The following DTD1 variants were observed in gnomAD, a reference collection of about 807,000 sequenced individuals.
DTD1 encodes the protein D-tyrosyl-tRNA deacylase 1 homolog.
DTD1 carries 13 observed loss-of-function variants against 25.6 expected under a neutral mutation model. That is an observed-to-expected ratio of 0.51 (90% confidence interval 0.33 to 0.81). The LOEUF (loss-of-function observed/expected upper bound fraction) is 0.81, where lower values mean the gene tolerates loss of function less well. DTD1 is among the 30% of genes least tolerant of loss of function. DTD1 has a pLI of 0.02. For synonymous variants in DTD1, 110 were observed against 103.6 expected, an observed-to-expected ratio of 1.06 and a Z score of -0.37; for missense variants, 193 against 266.4, an observed-to-expected ratio of 0.72 and a Z score of 1.92.
At chr20:18,590,714 T>G (rs1309607863) in intron 1 of DTD1, among the ~76,000 whole-genome samples, 2 of 152,160 alleles carry the variant, frequency 1.3e-5, no homozygotes, top group Non-Finnish European at 2.9e-5. Flanking sequence ...CTCAAGTGAT[T>G]TGCCTGCCTC....
At position 18,765,396 on chromosome 20, in the gene DTD1, GA is replaced by G. The variant is rs2061376166; in HGVS notation, c.*2057del. On this transcript the variant is annotated 3_prime_UTR_variant, in exon 6 of 6. Coordinates refer to ENST00000377452, the MANE Select transcript of DTD1 (RefSeq NM_080820.6). ...TTCTGAGCCTATATGTGTGAGGGGG[GA>G]TCTTTGATTAATTAAAACATCTTCC... is the stretch of plus-strand genomic sequence containing the variant. The G allele has an allele frequency of 6.6e-6, 1 of 152,304 alleles. No homozygotes were observed. Among genetic ancestry groups the G allele is most frequent in the African/African-American group, 2.4e-5 (1 of 41,552 alleles). 9.4% of individuals were successfully genotyped at this position (152,304 alleles called of 1,614,324 possible).
intron 1 of DTD1, among the ~76,000 whole-genome samples, chr20:18,592,822 A>T (rs543521960): frequency 1.3e-5 from 2 of 152,132 alleles, no homozygotes; most frequent in African/African-American, 4.8e-5. Flanking sequence ...AGCTGGGATT[A>T]CAGGCGCCCG....
intron 4 of DTD1, among the ~76,000 whole-genome samples, chr20:18,681,179 C>T (rs953605204): frequency 1.2e-4 from 19 of 152,150 alleles, no homozygotes; most frequent in African/African-American, 4.3e-4. Flanking sequence ...GAGCCACACA[C>T]CCTCATGCAG....
At chr20:18,630,230 A>T (rs6081259) in intron 4 of DTD1, among the ~76,000 whole-genome samples, 126,385 of 152,008 alleles carry the variant, frequency 0.83, 53,688 homozygotes, top group Non-Finnish European at 0.93. Context: ...TATACTTTTT[A>T]ACCCAACTGC....
At chr20:18,665,386 C>T (rs762892578) in intron 4 of DTD1, among the ~76,000 whole-genome samples, 1 of 152,242 alleles carries the variant, frequency 6.6e-6, no homozygotes. Context: ...CTGGGATCAG[C>T]CCCGGCTCTG....
chr20:18,717,656 A>G (rs2061186443), intron 4 of DTD1, among the ~76,000 whole-genome samples: 1 of 152,170 alleles, frequency 6.6e-6, no homozygotes, highest in African/African-American at 2.4e-5. Flanking sequence ...CACAATTCAA[A>G]CCTGTGTTAT....
At chr20:18,724,561 T>G (rs1438323748) in intron 4 of DTD1, among the ~76,000 whole-genome samples, 4 of 152,182 alleles carry the variant, frequency 2.6e-5, no homozygotes, top group Non-Finnish European at 5.9e-5. Flanking sequence ...AGTTCAAAAT[T>G]TCATTTGTAA....
chr20:18,763,043 GTA>G (rs1359039233), intron 5 of DTD1, among the ~76,000 whole-genome samples: 2 of 152,144 alleles, frequency 1.3e-5, no homozygotes, highest in Non-Finnish European at 2.9e-5. Context: ...TTACTTCAAA[GTA>G]TTTTCTATTT....
At chr20:18,676,766 A>G (rs556653982) in intron 4 of DTD1, among the ~76,000 whole-genome samples, 1 of 152,130 alleles carries the variant, frequency 6.6e-6, no homozygotes, top group South Asian at 2.1e-4. Flanking sequence ...ATCTGTTCTC[A>G]GCTCTGCCGC....
intron 4 of DTD1, among the ~76,000 whole-genome samples, chr20:18,682,681 C>T (rs183283914): frequency 3.1e-4 from 47 of 152,350 alleles, no homozygotes; most frequent in Middle Eastern, 3.4e-3. Context: ...CAACTCATCT[C>T]TACCTTGCCA....
At chr20:18,640,051 ATT>A (rs11087260) in intron 4 of DTD1, among the ~76,000 whole-genome samples, 141 of 145,402 alleles carry the variant, frequency 9.7e-4, no homozygotes, top group Non-Finnish European at 1.2e-3. Context: ...TGCTCTGAGG[ATT>A]TTTTTTTTTT....
In DTD1 at chr20:18,628,184, T is replaced by C. The variant is rs2060767027; in HGVS notation, c.428T>C (p.Ile143Thr). The change falls in exon 4 of 6, where the codon ATA becomes ACA. Residue 143 changes from isoleucine (I) to threonine (T), a missense_variant. Coordinates refer to ENST00000377452, the MANE Select transcript of DTD1 (RefSeq NM_080820.6). The part of the protein sequence containing the change: ...VHIQNDGPVT[I>T]ELESPAPGTA... ...ATTCAGAATGATGGGCCTGTGACCA[T>C]AGAGCTGGAATCGCCAGCTCCCGGC... The C allele has an allele frequency of 6.2e-7, 1 of 1,613,836 alleles. No homozygotes were observed. The highest frequency in any genetic ancestry group is 1.3e-5 in the African/African-American group (1 of 74,910).
intron 3 of DTD1, among the ~76,000 whole-genome samples, chr20:18,612,868 A>C (rs1451718516): frequency 6.6e-6 from 1 of 152,108 alleles, no homozygotes; most frequent in Non-Finnish European, 1.5e-5. Flanking sequence ...CATGTTGGCC[A>C]GGTTGGTCTG....
intron 4 of DTD1, among the ~76,000 whole-genome samples, chr20:18,657,654 G>A (rs2060895643): frequency 6.6e-6 from 1 of 152,240 alleles, no homozygotes; most frequent in Admixed American, 6.5e-5. Flanking sequence ...AAGAAATACA[G>A]ATATGTCTAT....
intron 3 of DTD1, among the ~76,000 whole-genome samples, chr20:18,620,867 C>T (rs991436194): frequency 1.3e-5 from 2 of 152,160 alleles, no homozygotes; most frequent in East Asian, 3.8e-4. Context: ...ATACCTGGAA[C>T]TATAGGTGCA....
At chr20:18,751,395 T>G (rs2122530653) in intron 5 of DTD1, among the ~76,000 whole-genome samples, 1 of 152,334 alleles carries the variant, frequency 6.6e-6, no homozygotes. Flanking sequence ...AGGCACCTTA[T>G]AACAACAGCA....
intron 4 of DTD1, among the ~76,000 whole-genome samples, chr20:18,710,539 A>G (rs1488389400): frequency 6.6e-6 from 1 of 152,258 alleles, no homozygotes; most frequent in African/African-American, 2.4e-5. Flanking sequence ...TGTTTCTAAT[A>G]AAATTCTACC....
At chr20:18,760,864 G>GAGCTGC (rs770052569) in intron 5 of DTD1, among the ~76,000 whole-genome samples, 164 of 152,342 alleles carry the variant, frequency 1.1e-3, no homozygotes, top group Non-Finnish European at 2.1e-3. Context: ...AGGCCTCCTT[G>GAGCTGC]AGCTGCGGTG....
At chr20:18,630,032 T>A (rs2060778380) in intron 4 of DTD1, among the ~76,000 whole-genome samples, 1 of 151,970 alleles carries the variant, frequency 6.6e-6, no homozygotes, top group Non-Finnish European at 1.5e-5. Context: ...CCATAGCAGT[T>A]TCTGACTCTT....
Sources: allele counts gnomAD v4.1 joint callset (sites outside exome capture counted in the v4.1 genomes callset), GRCh38; gene constraint gnomAD v4.1.1; transcripts MANE v1.5; gene names NCBI Gene and HGNC (gene_info 2026-07-23, HGNC 2026-07-21).